Variants in ETV1 observed in about 807,000 individuals in gnomAD.
The protein encoded by ETV1 is ETS translocation variant 1.
ETV1 carries 27 observed loss-of-function variants against 62.3 expected under a neutral mutation model. The observed-to-expected ratio is 0.43, with a 90% confidence interval of 0.32 to 0.60. ETV1 has a LOEUF of 0.60. ETV1 is among the 20% of genes least tolerant of loss of function. The pLI is 0.06. For synonymous variants in ETV1, 222 were observed against 199.6 expected (o/e 1.11, Z -0.94); for missense variants, 605 against 605.8 (o/e 1.00, Z 0.01).
rs756103779 is a variant in ETV1 at position 13,895,287 on chromosome 7, A to G, written c.*579T>C. Reference sequence around the variant, plus strand: ...CTCTGCAAGTCATATATAAAGCAAAATAAAACAACAAACAGCAAATGCAAT... The same window carrying G: ...CTCTGCAAGTCATATATAAAGCAAAGTAAAACAACAAACAGCAAATGCAAT... On this transcript the variant is annotated 3_prime_UTR_variant, in exon 14 of 14. Coordinates refer to ENST00000430479, the MANE Select transcript of ETV1 (RefSeq NM_004956.5). 4 of 233,852 alleles carry G rather than the reference A, an allele frequency of 1.7e-5. No homozygotes were observed. Among genetic ancestry groups the G allele is most frequent in the Non-Finnish European group, 3.4e-5 (4 of 118,262 alleles). 14.5% of individuals were successfully genotyped at this position (233,852 alleles called of 1,614,324 possible). A position where few individuals can be genotyped will look rare whatever the true frequency, so the allele number is the denominator to read the frequency against.
chr7:13,989,877 C>T, upstream of ETV1: 1 of 342,442 alleles, frequency 2.9e-6, no homozygotes, highest in Non-Finnish European at 5.2e-6. Flanking sequence ...GGTCCTCAGC[C>T]TGGAAGCGCC....
chr7:13,935,114 T>C (rs1786650769), intron 8 of ETV1, among the ~76,000 whole-genome samples: 1 of 152,216 alleles, frequency 6.6e-6, no homozygotes, highest in South Asian at 2.1e-4. Context: ...CTTAGATCTA[T>C]GCTATGCTTC....
intron 9 of ETV1, among the ~76,000 whole-genome samples, chr7:13,920,300 G>C (rs111932463): frequency 0.029 from 4,486 of 152,228 alleles, 88 homozygotes; most frequent in African/African-American, 0.05. Flanking sequence ...AACACTGCAA[G>C]GCCATAAATA....
chr7:13,938,693 G>C (rs1000600302), intron 7 of ETV1, among the ~76,000 whole-genome samples: 3 of 152,142 alleles, frequency 2.0e-5, no homozygotes, highest in Non-Finnish European at 2.9e-5. Context: ...TATTGCAATT[G>C]TCCATGAACT....
intron 6 of ETV1, among the ~76,000 whole-genome samples, chr7:13,959,636 C>A (rs569552284): frequency 6.6e-6 from 1 of 152,056 alleles, no homozygotes; most frequent in Admixed American, 6.6e-5. Flanking sequence ...GTAATCCCAG[C>A]ACTTTGCAAG....
chr7:13,969,541 G>C (rs1780661321), intron 6 of ETV1, among the ~76,000 whole-genome samples: 1 of 152,062 alleles, frequency 6.6e-6, no homozygotes. Context: ...ATCTAACCTT[G>C]CACTCCACGA....
intron 9 of ETV1, among the ~76,000 whole-genome samples, chr7:13,920,886 G>A (rs906765869): frequency 6.6e-6 from 1 of 152,156 alleles, no homozygotes; most frequent in Non-Finnish European, 1.5e-5. Context: ...AAGTCAAATT[G>A]TGAGGCCAAT....
At chr7:13,946,298 G>A (rs1302685891) in intron 6 of ETV1, among the ~76,000 whole-genome samples, 1 of 152,158 alleles carries the variant, frequency 6.6e-6, no homozygotes, top group East Asian at 1.9e-4. Context: ...AAGGCAGAAA[G>A]AACACTCAAG....
At chr7:13,973,875 A>G (rs1184262241) in intron 6 of ETV1, among the ~76,000 whole-genome samples, 3 of 152,170 alleles carry the variant, frequency 2.0e-5, no homozygotes, top group East Asian at 3.9e-4. Flanking sequence ...AAGGCATATC[A>G]TGTTTCTACC....
At chr7:13,926,548 C>G (rs1183962422) in intron 9 of ETV1, among the ~76,000 whole-genome samples, 2 of 152,104 alleles carry the variant, frequency 1.3e-5, no homozygotes, top group Non-Finnish European at 2.9e-5. Flanking sequence ...ATGACGCACT[C>G]CAGATGAAGC....
chr7:13,930,940 A>C (rs1786059101), intron 9 of ETV1, among the ~76,000 whole-genome samples: 1 of 151,816 alleles, frequency 6.6e-6, no homozygotes, highest in Non-Finnish European at 1.5e-5. Flanking sequence ...AGCTGGGACT[A>C]CAGGCACGTG....
intron 1 of ETV1, 45 bp downstream of exon 1, chr7:13,989,518 A>G: frequency 5.0e-6 from 2 of 399,816 alleles, no homozygotes; most frequent in Non-Finnish European, 4.4e-6. Context: ...ACCCACAACC[A>G]TGCAATTATC....
intron 9 of ETV1, among the ~76,000 whole-genome samples, chr7:13,931,032 T>C (rs569190396): frequency 5.3e-5 from 8 of 152,004 alleles, no homozygotes; most frequent in Non-Finnish European, 1.2e-4. Flanking sequence ...GATCTCGGTC[T>C]CAGCCTCCCA....
intron 11 of ETV1, 73 bp from the exon 12 acceptor site, chr7:13,906,672 A>T (rs946139779): frequency 7.9e-6 from 9 of 1,145,526 alleles, no homozygotes; most frequent in Non-Finnish European, 1.1e-5. Context: ...ACATTAAATC[A>T]ATCACTAATA....
chr7:13,935,822 G>A lies in ETV1; in HGVS notation c.440C>T (p.Pro147Leu). 2 of 1,613,896 alleles carry A rather than the reference G, an allele frequency of 1.2e-6. No homozygotes were observed. Among genetic ancestry groups the A allele is most frequent in the Non-Finnish European group, 1.7e-6 (2 of 1,179,832 alleles). Residue 147 changes from proline (P) to leucine (L), a missense_variant, in exon 8 of 14, where the codon CCA becomes CTA. Coordinates refer to ENST00000430479, the MANE Select transcript of ETV1 (RefSeq NM_004956.5). Reference protein sequence around the residue: ...PPTPSSTPVSPLHHASPNSTH... With the variant: ...PPTPSSTPVSLLHHASPNSTH... ...TGAGTTTGGAGATGCATGATGCAGT[G>A]GGGACACTGGCGTGCTGGATGGTGT...
chr7:13,925,997 C>T (rs1264267016), intron 9 of ETV1, among the ~76,000 whole-genome samples: 1 of 152,018 alleles, frequency 6.6e-6, no homozygotes, highest in African/African-American at 2.4e-5. Flanking sequence ...CAAGGTATTT[C>T]TGTACTGGCT....
intron 9 of ETV1, among the ~76,000 whole-genome samples, chr7:13,929,933 G>A (rs982740156): frequency 3.9e-5 from 6 of 152,138 alleles, no homozygotes; most frequent in African/African-American, 1.4e-4. Context: ...AATCTTATAC[G>A]CAAACTGGTA....
intron 5 of ETV1, among the ~76,000 whole-genome samples, chr7:13,980,658 C>T (rs368228108): frequency 1.7e-4 from 26 of 152,152 alleles, no homozygotes; most frequent in African/African-American, 6.3e-4. Context: ...ATAGCTGGAG[C>T]GGCTCTATCA....
At chr7:13,950,473 AG>A (rs1788669441) in intron 6 of ETV1, among the ~76,000 whole-genome samples, 1 of 152,082 alleles carries the variant, frequency 6.6e-6, no homozygotes, top group Non-Finnish European at 1.5e-5. Context: ...TAAATGAAGG[AG>A]ATACAGTTTG....
Sources: allele counts gnomAD v4.1 joint callset (sites outside exome capture counted in the v4.1 genomes callset), GRCh38; gene constraint gnomAD v4.1.1; transcripts MANE v1.5; gene names NCBI Gene and HGNC (gene_info 2026-07-23, HGNC 2026-07-21).